PDGFRL: variants seen among roughly 807,000 people sequenced by gnomAD.
PDGFRL encodes the protein platelet-derived growth factor receptor-like protein.
PDGFRL carries 46 observed loss-of-function variants against 37.2 expected under a neutral mutation model. That is an observed-to-expected ratio of 1.24 (90% CI 0.98 to 1.58). PDGFRL has a LOEUF of 1.58. PDGFRL is among the 40% of genes most tolerant of loss of function. The pLI, the probability that PDGFRL is intolerant of heterozygous loss-of-function variation, is 0.00. For synonymous variants in PDGFRL, 251 were observed against 184.3 expected (o/e 1.36, Z -2.93); for missense variants, 692 against 467.6 (o/e 1.48, Z -4.43).
At chr8:17,625,255 G>A (rs543421250) in intron 3 of PDGFRL, among the ~76,000 whole-genome samples, 39 of 151,766 alleles carry the variant, frequency 2.6e-4, no homozygotes, top group African/African-American at 8.7e-4. Flanking sequence ...CGGTTCGAGC[G>A]ATTCTCCTGC....
chr8:17,615,535 T>C (rs748107040), intron 2 of PDGFRL, among the ~76,000 whole-genome samples: 1 of 152,142 alleles, frequency 6.6e-6, no homozygotes, highest in Non-Finnish European at 1.5e-5. Context: ...TATGTTTCGG[T>C]GCCCTCAAGC....
intron 2 of PDGFRL, among the ~76,000 whole-genome samples, chr8:17,606,894 GT>G (rs1198809504): frequency 7.9e-4 from 98 of 123,668 alleles, no homozygotes; most frequent in African/African-American, 2.8e-3. Flanking sequence ...TTGTTTTTTT[GT>G]TTTTTTTTTT....
chr8:17,578,266 A>G (rs1008889903), intron 1 of PDGFRL, among the ~76,000 whole-genome samples: 3 of 152,152 alleles, frequency 2.0e-5, no homozygotes, highest in African/African-American at 7.2e-5. Flanking sequence ...CTGTTATGCA[A>G]CTTCATGCTG....
intron 2 of PDGFRL, among the ~76,000 whole-genome samples, chr8:17,602,761 C>G (rs554995893): frequency 6.6e-6 from 1 of 151,860 alleles, no homozygotes; most frequent in East Asian, 2.0e-4. Flanking sequence ...TTTGCAAAAC[C>G]CTGTCATGAG....
chr8:17,620,964 C>G (rs1347142847), intron 2 of PDGFRL, 87 bp from the exon 3 acceptor site: 2 of 921,036 alleles, frequency 2.2e-6, no homozygotes, highest in Admixed American at 2.9e-5. Context: ...GGCAAGTCTG[C>G]CCAGAGAACA....
In PDGFRL at chr8:17,633,379, G is replaced by A. The variant is rs185734520; in HGVS notation, c.800-695G>A. Among the ~76,000 whole-genome samples the A allele has an allele frequency of 5.8e-3, 882 of 152,252 alleles. 3 individuals are homozygous for A. Among genetic ancestry groups the A allele is most frequent in the Non-Finnish European group, 9.0e-3 (611 of 68,020 alleles). On this transcript the variant is annotated intron_variant, in intron 4 of 5. Coordinates refer to ENST00000251630, the MANE Select transcript of PDGFRL (RefSeq NM_001372073.1). ...GGAGTTTGAGGCTGCAGAGAGTTAA[G>A]ATTGCACCACTGTTGGCAGGCGCCT...
chr8:17,592,950 ACT>A (rs879408879), intron 2 of PDGFRL, among the ~76,000 whole-genome samples: 3,366 of 148,142 alleles, frequency 0.023, 59 homozygotes, highest in Middle Eastern at 0.13. Context: ...ACACACACAC[ACT>A]ACTCTACACA....
chr8:17,578,409 G>A (rs538349136), intron 1 of PDGFRL, among the ~76,000 whole-genome samples: 1 of 152,306 alleles, frequency 6.6e-6, no homozygotes, highest in African/African-American at 2.4e-5. Flanking sequence ...CGTGGTACTT[G>A]AAGTTGAGCA....
Position 17,623,924 on chromosome 8 carries a change from G to GT in PDGFRL, c.505+2732dup, listed in dbSNP as rs577641943. Among the ~76,000 whole-genome samples, 1,029 of 144,408 alleles carry GT rather than the reference G, an allele frequency of 7.1e-3. 11 individuals are homozygous for GT. The highest frequency in any genetic ancestry group is 0.022 in the Admixed American group (317 of 14,474). The allele number at this position is 144,408 out of a possible 152,430, so 94.7% of individuals were successfully genotyped here. A position where few individuals can be genotyped will look rare whatever the true frequency, so the allele number is the denominator to read the frequency against. On this transcript the variant is annotated intron_variant, in intron 3 of 5. Transcript: ENST00000251630. ...TGAGTTTTGGAGGCGGAACCTTTTT[G>GT]TTTTTTTTTTAACTGAACTAATTTT...
intron 5 of PDGFRL, 129 bp downstream of exon 5, chr8:17,634,342 G>C: frequency 1.5e-6 from 1 of 677,350 alleles, no homozygotes. Context: ...AAACATGTGG[G>C]GCTATGTTGG....
intron 2 of PDGFRL, among the ~76,000 whole-genome samples, chr8:17,613,038 G>A (rs1237178235): frequency 6.6e-6 from 1 of 152,146 alleles, no homozygotes; most frequent in East Asian, 1.9e-4. Flanking sequence ...AATATTTTTT[G>A]TGAGTTATGG....
chr8:17,612,852 T>C (rs1343852772), intron 2 of PDGFRL, among the ~76,000 whole-genome samples: 1 of 152,248 alleles, frequency 6.6e-6, no homozygotes, highest in African/African-American at 2.4e-5. Flanking sequence ...GCAAACTCTT[T>C]AATGACTAAC....
chr8:17,578,092 A>G (rs1452580672), intron 1 of PDGFRL, among the ~76,000 whole-genome samples: 2 of 151,682 alleles, frequency 1.3e-5, no homozygotes, highest in African/African-American at 4.8e-5. Flanking sequence ...TGTATTATAT[A>G]TTATTGTTAG....
chr8:17,629,153 C>G (rs1485119668), intron 4 of PDGFRL, among the ~76,000 whole-genome samples: 1 of 150,276 alleles, frequency 6.7e-6, no homozygotes, highest in Non-Finnish European at 1.5e-5. Context: ...TGGTCTCGAC[C>G]TCCTGGGCTT....
Position 17,577,296 on chromosome 8 carries a change from C to A in PDGFRL, c.44C>A (p.Ala15Glu), listed in dbSNP as rs1411127779. The change falls in exon 1 of 6, where the codon GCG becomes GAG. Residue 15 changes from alanine (A) to glutamate (E), a missense_variant. Ala to Glu is a moderately radical substitution (Grantham distance 107). Transcript: ENST00000251630. ...LLLGLLLVHE[A>E]LEDVTGQHLP... is the part of the protein sequence containing the mutation. ...CTTGGTCTTCTGCTGGTGCACGAAG[C>A]GCTGGAGGATGGTGAGTGACTCTGG... is the stretch of plus-strand genomic sequence containing the variant. 1.2e-5 allele frequency: 19 copies of A among 1,612,794 alleles called. No homozygotes were observed. Among genetic ancestry groups the A allele is most frequent in the Non-Finnish European group, 1.6e-5 (19 of 1,179,462 alleles).
intron 2 of PDGFRL, among the ~76,000 whole-genome samples, chr8:17,620,263 T>C (rs1024866283): frequency 6.6e-6 from 1 of 152,216 alleles, no homozygotes; most frequent in Non-Finnish European, 1.5e-5. Context: ...CCAAACACAT[T>C]CTTTTTTTTG....
chr8:17,595,386 C>T (rs1360658528), intron 2 of PDGFRL, among the ~76,000 whole-genome samples: 1 of 152,190 alleles, frequency 6.6e-6, no homozygotes, highest in Non-Finnish European at 1.5e-5. Flanking sequence ...GTGGCACATT[C>T]TCTGGAGGAC....
upstream of PDGFRL, chr8:17,576,733 G>T (rs965708061): frequency 5.9e-5 from 58 of 979,552 alleles, no homozygotes; most frequent in Non-Finnish European, 6.8e-5. Flanking sequence ...CAGAGGAGCA[G>T]CAAGAACCCG....
intron 5 of PDGFRL, among the ~76,000 whole-genome samples, chr8:17,635,290 C>T (rs899093430): frequency 2.6e-5 from 4 of 152,090 alleles, no homozygotes; most frequent in Non-Finnish European, 5.9e-5. Context: ...CACCCCTCCC[C>T]CCAACCCTTT....
Sources: allele counts gnomAD v4.1 joint callset (sites outside exome capture counted in the v4.1 genomes callset), GRCh38; gene constraint gnomAD v4.1.1; transcripts MANE v1.5; gene names NCBI Gene and HGNC (gene_info 2026-07-23, HGNC 2026-07-21).